The following LRRC43 variants were observed in gnomAD, a reference collection of about 807,000 sequenced individuals.
LRRC43 encodes the protein leucine rich repeat containing 43.
LRRC43 carries 62 observed loss-of-function variants against 64.3 expected under a neutral mutation model. The observed-to-expected ratio is 0.96, with a 90% CI of 0.79 to 1.19. The LOEUF is 1.19. LRRC43 is among the 50% of genes most tolerant of loss of function. LRRC43 has a pLI of 0.00. For synonymous variants in LRRC43, 422 were observed against 382.3 expected, an observed-to-expected ratio of 1.10 and a Z score of -1.21; for missense variants, 868 against 845.0, an observed-to-expected ratio of 1.03 and a Z score of -0.34.
rs1049890785 is a variant in LRRC43, at chr12:122,200,023, T to C, written c.1350-166T>C. Among the ~76,000 whole-genome samples the C allele has an allele frequency of 6.6e-6, 1 of 152,218 alleles. No individual in the cohort carries two copies. The highest frequency in any genetic ancestry group is 1.5e-5 in the Non-Finnish European group (1 of 68,030). On this transcript the variant is annotated intron_variant, in intron 7 of 11. Coordinates refer to ENST00000339777, the MANE Select transcript of LRRC43 (RefSeq NM_001098519.2). This position sits in a 1 kb window ranked among gnomAD's most constrained non-coding sequence, Gnocchi z 4.6. Reference sequence around the variant, plus strand: ...CTCTGTATCCACACCTTTCTGGCCTTCTGGTCCCCTTGCCCTGCCTGGTGG... The same window carrying C: ...CTCTGTATCCACACCTTTCTGGCCTCCTGGTCCCCTTGCCCTGCCTGGTGG...
chr12:122,200,386 C>A lies in LRRC43; in HGVS notation c.1491+56C>A. 1 of 1,608,196 alleles carries A rather than the reference C, an allele frequency of 6.2e-7. No individual in the cohort carries two copies. Among genetic ancestry groups the A allele is most frequent in the South Asian group, 1.1e-5 (1 of 90,688 alleles). On this transcript the variant is annotated intron_variant, in intron 8 of 11. Transcript: ENST00000339777. The surrounding 1 kb of genome is among the most constrained non-coding windows in gnomAD (Gnocchi z 4.6). ...CACAGGCTGCACTTCTGTCCTTGTT[C>A]CTGTTCCCATCGGGCTGTCCCCCAT...
At chr12:122,177,299 G>A (rs1018189703) in intron 1 of LRRC43, among the ~76,000 whole-genome samples, 2 of 152,112 alleles carry the variant, frequency 1.3e-5, no homozygotes, top group African/African-American at 4.8e-5. Context: ...GGGGGGCAGC[G>A]TGGAAAGCAC....
intron 7 of LRRC43, among the ~76,000 whole-genome samples, chr12:122,197,869 A>G (rs1953787881): frequency 6.6e-6 from 1 of 151,724 alleles, no homozygotes; most frequent in African/African-American, 2.4e-5. Context: ...ACCTTTATAT[A>G]TTTGTATCAT....
rs1437486579 is a variant in LRRC43 at position 122,200,672 on chromosome 12, T to C, written c.1620+12T>C. The C allele has an allele frequency of 6.2e-7, 1 of 1,613,666 alleles. No homozygotes were observed. On this transcript the variant is annotated intron_variant, in intron 9 of 11. Coordinates refer to ENST00000339777, the MANE Select transcript of LRRC43 (RefSeq NM_001098519.2). This position sits in a 1 kb window ranked among gnomAD's most constrained non-coding sequence, Gnocchi z 4.6. ...AAGAGCCGGCCAAGGTACCGGGCCT[T>C]GGTGCTGGGGAGGGCAGCCTGGCCA...
chr12:122,193,381 T>TAAA lies in LRRC43; in HGVS notation c.1349+403_1349+405dup, dbSNP rs34910328. 6.9e-3 allele frequency among the ~76,000 whole-genome samples: 327 copies of TAAA among 47,178 alleles called. 36 individuals carry two copies. Among genetic ancestry groups the TAAA allele is most frequent in the Middle Eastern group, 0.03 (2 of 66 alleles). The allele number at this position is 47,178 out of a possible 152,430, so 31.0% of individuals were successfully genotyped here. ...GGCGACAGAGCGAGACTCCGTCTCA[T>TAAA]AAAAAAAAAAAAAAAAAAAAAAAAA... On this transcript the variant is annotated intron_variant, in intron 7 of 11. Coordinates refer to ENST00000339777, the MANE Select transcript of LRRC43 (RefSeq NM_001098519.2).
chr12:122,173,988 G>A, intron 1 of LRRC43: 1 of 1,614,034 alleles, frequency 6.2e-7, no homozygotes, highest in South Asian at 1.1e-5. Context: ...CAGACGTCGA[G>A]GGGCCTGGAG....
Position 122,200,611 on chromosome 12 carries a change from A to C in LRRC43, c.1571A>C (p.Lys524Thr). The change falls in exon 9 of 12, where the codon AAA (lysine) becomes ACA (threonine). Residue 524 changes from lysine to threonine, a missense_variant. By Grantham distance (78) the Lys-to-Thr change is moderately conservative. Coordinates refer to ENST00000339777, the MANE Select transcript of LRRC43 (RefSeq NM_001098519.2). The surrounding 1 kb of genome is among the most constrained non-coding windows in gnomAD (Gnocchi z 4.6). Reference protein sequence around the residue: ...AKKGKGEKDKKGKEKDRTGKG... With the variant: ...AKKGKGEKDKTGKEKDRTGKG... ...AAAGGAAAGGGGGAGAAAGACAAGAAAGGGAAGGAGAAAGACAGGACGGGG... is the reference window on the plus strand; with the variant it reads ...AAAGGAAAGGGGGAGAAAGACAAGACAGGGAAGGAGAAAGACAGGACGGGG... 6.2e-7 allele frequency: 1 copy of C among 1,614,148 alleles called. No homozygotes were observed. Among genetic ancestry groups the C allele is most frequent in the Non-Finnish European group, 8.5e-7 (1 of 1,180,024 alleles).
chr12:122,195,148 T>G (rs1953762162), intron 7 of LRRC43, among the ~76,000 whole-genome samples: 1 of 152,168 alleles, frequency 6.6e-6, no homozygotes, highest in Admixed American at 6.6e-5. Context: ...TTCTTTCTCT[T>G]CATATGTCTT....
intron 11 of LRRC43, chr12:122,202,542 A>G (rs1953854181): frequency 1.3e-5 from 2 of 152,212 alleles, no homozygotes. Flanking sequence ...TGTAACATGC[A>G]TGAGTTACTT....
At chr12:122,199,473 G>A (rs1953809809) in intron 7 of LRRC43, among the ~76,000 whole-genome samples, 1 of 151,678 alleles carries the variant, frequency 6.6e-6, no homozygotes, top group South Asian at 2.1e-4. Context: ...TAGTAGAGAC[G>A]GGGTTTCACT....
At chr12:122,199,090 G>A (rs1451146988) in intron 7 of LRRC43, among the ~76,000 whole-genome samples, 1 of 148,866 alleles carries the variant, frequency 6.7e-6, no homozygotes, top group Non-Finnish European at 1.5e-5. Flanking sequence ...GTTCAACTTG[G>A]ACATACTTTA....
At chr12:122,188,107 T>G (rs1376353882) in intron 4 of LRRC43, among the ~76,000 whole-genome samples, 4 of 152,196 alleles carry the variant, frequency 2.6e-5, no homozygotes, top group African/African-American at 4.8e-5. Flanking sequence ...TTTTTTTATC[T>G]TATTTTTTTA....
chr12:122,194,327 T>C (rs1953752840), intron 7 of LRRC43, among the ~76,000 whole-genome samples: 1 of 151,066 alleles, frequency 6.6e-6, no homozygotes. Flanking sequence ...ATCCCAGCAC[T>C]TTGGGAGGCT....
intron 1 of LRRC43, chr12:122,172,834 C>G (rs982600182): frequency 1.1e-5 from 11 of 976,954 alleles, no homozygotes; most frequent in Non-Finnish European, 1.4e-5. Context: ...CGTAACCCGC[C>G]TCGTTGATAT....
chr12:122,177,014 C>T (rs968213495), intron 1 of LRRC43, among the ~76,000 whole-genome samples: 1 of 152,152 alleles, frequency 6.6e-6, no homozygotes, highest in African/African-American at 2.4e-5. Flanking sequence ...GCTTTCACCA[C>T]CCCACTAATG....
In LRRC43 at chr12:122,192,983, C is replaced by T; in HGVS notation, c.1328C>T (p.Pro443Leu). The change falls in exon 7 of 12, where the codon CCC becomes CTC. Residue 443 changes from proline (P) to leucine (L), a missense_variant. Coordinates refer to ENST00000339777, the MANE Select transcript of LRRC43 (RefSeq NM_001098519.2). ...GCCAAGTTGAGGCTGCGTATAGATC[C>T]CCGGCTCTGCCCGTCCCCAGGGTAA... is the stretch of plus-strand genomic sequence containing the variant. Reference protein sequence around the residue: ...ELAKLRLRIDPRLCPSPGTVL... With the variant: ...ELAKLRLRIDLRLCPSPGTVL... 6.2e-7 allele frequency: 1 copy of T among 1,613,710 alleles called. No individual in the cohort carries two copies. The highest frequency in any genetic ancestry group is 2.2e-5 in the East Asian group (1 of 44,862).
At chr12:122,191,039 C>T (rs948451350) in intron 5 of LRRC43, among the ~76,000 whole-genome samples, 1 of 152,214 alleles carries the variant, frequency 6.6e-6, no homozygotes, top group African/African-American at 2.4e-5. Flanking sequence ...CTTCACCTCC[C>T]TGGTGGCTTG....
chr12:122,168,925 G>C (rs1953462037), intron 1 of LRRC43, among the ~76,000 whole-genome samples: 1 of 152,180 alleles, frequency 6.6e-6, no homozygotes, highest in Admixed American at 6.6e-5. Flanking sequence ...GCCAGTCAAG[G>C]ATTTTGTGAA....
chr12:122,171,915 A>G (rs1953488669), intron 1 of LRRC43: 1 of 154,752 alleles, frequency 6.5e-6, no homozygotes, highest in Admixed American at 6.4e-5. Context: ...AAGAAATGAC[A>G]GTGGTAGAAG....
Sources: gnomAD v4.1 joint callset for allele counts (sites outside exome capture counted in the v4.1 genomes callset) on GRCh38, gnomAD v4.1.1 for gene constraint, Gnocchi (gnomAD v3.1) non-coding constraint, MANE v1.5 for transcripts, NCBI Gene and HGNC (gene_info 2026-07-23, HGNC 2026-07-21) for gene names.